Variants in DOCK1 observed in about 807,000 individuals in gnomAD.
The protein encoded by DOCK1 is dedicator of cytokinesis protein 1.
In DOCK1, 138 loss-of-function variants were observed where a neutral mutation model predicts 262.7. The observed-to-expected ratio is 0.53, with a 90% CI of 0.46 to 0.61. DOCK1 has a LOEUF of 0.61. Ranked by LOEUF, DOCK1 falls within the 20% of genes least tolerant of loss-of-function variation. The probability of loss-of-function intolerance (pLI) is 0.00; values close to 1 mark genes in which losing one functional copy is unlikely to be tolerated. For synonymous variants in DOCK1, 866 were observed against 867.4 expected (o/e 1.00, Z 0.03); for missense variants, 1,908 against 2,370.7 (o/e 0.80, Z 4.05).
intron 29 of DOCK1, among the ~76,000 whole-genome samples, chr10:127,317,852 C>G (rs1487377963): frequency 6.6e-6 from 1 of 152,152 alleles, no homozygotes; most frequent in African/African-American, 2.4e-5. Context: ...CTTACTTTGA[C>G]TCCTCAAGGT....
rs565547737 is a variant in DOCK1, at chr10:127,251,070, C to G, written c.2949+2961C>G. Among the ~76,000 whole-genome samples the G allele has an allele frequency of 1.4e-3, 206 of 152,020 alleles. 1 individual carries two copies. Among genetic ancestry groups the G allele is most frequent in the East Asian group, 8.7e-3 (44 of 5,080 alleles). On this transcript the variant is annotated intron_variant, in intron 28 of 51. Transcript: ENST00000623213. ...CTCCTCCTCCAGGGTTCAAGCGATT[C>G]TCCTGCTTCAGCCTCCCGAGTAGCT...
In DOCK1 at chr10:127,402,671, G is replaced by A. The variant is rs764510910; in HGVS notation, c.3928-384G>A. The A allele has an allele frequency of 5.7e-6, 3 of 522,460 alleles. No homozygotes were observed. In the East Asian group the frequency reaches 1.6e-4, roughly 28 times the overall value. The allele number at this position is 522,460 out of a possible 1,614,324, so 32.4% of individuals were successfully genotyped here. A position where few individuals can be genotyped will look rare whatever the true frequency, so the allele number is the denominator to read the frequency against. On this transcript the variant is annotated intron_variant, in intron 38 of 51. Coordinates refer to ENST00000623213, the MANE Select transcript of DOCK1 (RefSeq NM_001290223.2). ...TCAGGCGCCCAGTTTCTACATAAAT[G>A]GCACCCCACAGCCTCTCTTCACCCT... is the stretch of plus-strand genomic sequence containing the variant.
intron 29 of DOCK1, among the ~76,000 whole-genome samples, chr10:127,300,524 C>T (rs919436673): frequency 6.6e-6 from 1 of 152,220 alleles, no homozygotes; most frequent in Non-Finnish European, 1.5e-5. Context: ...AGGAAGATGG[C>T]ATCAGGCCAC....
chr10:127,304,948 G>A (rs1291541132), intron 29 of DOCK1, among the ~76,000 whole-genome samples: 1 of 151,630 alleles, frequency 6.6e-6, no homozygotes, highest in South Asian at 2.1e-4. Context: ...TTTGTTTTTT[G>A]TTTGTTTGTT....
At chr10:127,200,417 C>T (rs182242839) in intron 27 of DOCK1, among the ~76,000 whole-genome samples, 151 of 152,200 alleles carry the variant, frequency 9.9e-4, no homozygotes, top group African/African-American at 3.1e-3. Flanking sequence ...TATCTGTTTT[C>T]GTTTTTGTTT....
chr10:127,375,102 C>T (rs151199328), intron 35 of DOCK1, among the ~76,000 whole-genome samples: 6 of 152,102 alleles, frequency 3.9e-5, no homozygotes, highest in Non-Finnish European at 8.8e-5. Context: ...CTGTGGACAC[C>T]CCCTTCCTGA....
intron 27 of DOCK1, among the ~76,000 whole-genome samples, chr10:127,174,107 G>C (rs1166083692): frequency 1.3e-5 from 2 of 152,208 alleles, no homozygotes; most frequent in East Asian, 3.9e-4. Flanking sequence ...ATCCTCTTAA[G>C]GAAACTTTGT....
intron 12 of DOCK1, among the ~76,000 whole-genome samples, chr10:127,017,626 C>T (rs73384457): frequency 0.096 from 14,541 of 151,950 alleles, 798 homozygotes; most frequent in East Asian, 0.21. Flanking sequence ...CAGGCATGCG[C>T]GCATACCCAT....
At chr10:127,171,503 A>G (rs1323786613) in intron 27 of DOCK1, among the ~76,000 whole-genome samples, 1 of 152,088 alleles carries the variant, frequency 6.6e-6, no homozygotes, top group Non-Finnish European at 1.5e-5. Context: ...AAGATTTGTC[A>G]CTTGTATTCA....
At chr10:127,280,402 A>AT (rs35652952) in intron 29 of DOCK1, among the ~76,000 whole-genome samples, 1 of 152,072 alleles carries the variant, frequency 6.6e-6, no homozygotes, top group African/African-American at 2.4e-5. Flanking sequence ...GGTAGTGAAC[A>AT]TTTTTTAAGG....
chr10:127,115,208 C>G (rs949877950), intron 25 of DOCK1, among the ~76,000 whole-genome samples: 2 of 152,160 alleles, frequency 1.3e-5, no homozygotes, highest in Non-Finnish European at 2.9e-5. Context: ...AGGAGCTGAT[C>G]CCCATGCTGA....
At chr10:127,207,493 G>C (rs2057778305) in intron 27 of DOCK1, among the ~76,000 whole-genome samples, 1 of 152,156 alleles carries the variant, frequency 6.6e-6, no homozygotes, top group South Asian at 2.1e-4. Context: ...GGAAGACTTG[G>C]ACGTACTCTT....
intron 27 of DOCK1, among the ~76,000 whole-genome samples, chr10:127,147,909 T>TAGTCCCA (rs1472593049): frequency 6.6e-6 from 1 of 151,636 alleles, no homozygotes; most frequent in Non-Finnish European, 1.5e-5. Context: ...TGCGCGCACG[T>TAGTCCCA]AGTCCCAGCT....
At chr10:127,114,288 G>C (rs1424177594) in intron 25 of DOCK1, among the ~76,000 whole-genome samples, 1 of 152,174 alleles carries the variant, frequency 6.6e-6, no homozygotes, top group African/African-American at 2.4e-5. Flanking sequence ...TCCTAACCAG[G>C]AGGCAGTACA....
chr10:127,009,568 T>G (rs1419869195), intron 11 of DOCK1, among the ~76,000 whole-genome samples: 3 of 152,120 alleles, frequency 2.0e-5, no homozygotes, highest in Non-Finnish European at 4.4e-5. Flanking sequence ...AAGAGACAGC[T>G]TCCTCCTGGG....
intron 13 of DOCK1, among the ~76,000 whole-genome samples, 158 bp from the exon 14 acceptor site, chr10:127,023,042 T>G (rs1273314687): frequency 6.6e-6 from 1 of 152,230 alleles, no homozygotes; most frequent in African/African-American, 2.4e-5. Flanking sequence ...GCTCTTGTCA[T>G]GTATTTAAAT....
chr10:126,922,209 C>CAA lies in DOCK1; in HGVS notation c.46+16670_46+16671dup, dbSNP rs1213635501. 1.4e-3 allele frequency among the ~76,000 whole-genome samples: 87 copies of CAA among 63,932 alleles called. 1 individual carries two copies. Among genetic ancestry groups the CAA allele is most frequent in the African/African-American group, 2.4e-3 (39 of 16,200 alleles). The allele number at this position is 63,932 out of a possible 152,430, so 41.9% of individuals were successfully genotyped here. On this transcript the variant is annotated intron_variant, in intron 1 of 51. Transcript: ENST00000623213. ...TGGGTGACAGAGTACGACCCTGTAT[C>CAA]AAAAAAAAAAAAAAAAAAAAAAAAA...
At position 127,418,413 on chromosome 10, in the gene DOCK1, AACG is replaced by A; in HGVS notation, c.4567_4569del (p.Asp1523del). ...TGCCATTGAGACCATGCAGCTGACG[AACG>A]ACAAGATCAACAGCATGGTGCAGCA... On this transcript the variant is annotated inframe_deletion, in exon 45 of 52. Coordinates refer to ENST00000623213, the MANE Select transcript of DOCK1 (RefSeq NM_001290223.2). 6.2e-7 allele frequency: 1 copy of A among 1,613,792 alleles called. No individual in the cohort carries two copies. The highest frequency in any genetic ancestry group is 8.5e-7 in the Non-Finnish European group (1 of 1,179,876).
chr10:127,054,526 C>T (rs912732569), intron 22 of DOCK1, among the ~76,000 whole-genome samples: 1 of 152,138 alleles, frequency 6.6e-6, no homozygotes, highest in African/African-American at 2.4e-5. Context: ...GATTTATTTT[C>T]TCTTTGTTAG....
Sources: allele counts gnomAD v4.1 joint callset (sites outside exome capture counted in the v4.1 genomes callset), GRCh38; gene constraint gnomAD v4.1.1; transcripts MANE v1.5; gene names NCBI Gene and HGNC (gene_info 2026-07-23, HGNC 2026-07-21).